The following LHPP variants were observed in gnomAD, a reference collection of about 807,000 sequenced individuals.
LHPP encodes hLHPP.
Under a neutral mutation model 30.3 loss-of-function variants are expected in LHPP, and 24 were observed. The observed-to-expected ratio is 0.79, with a 90% CI of 0.57 to 1.11. LHPP has a LOEUF of 1.11. Among genes scored for constraint, LHPP ranks in the 50% most tolerant of loss-of-function variants. LHPP has a pLI of 0.00. For missense variants in LHPP, 356 were observed against 367.2 expected, an observed-to-expected ratio of 0.97 and a Z score of 0.25; for synonymous variants, 150 against 157.1, an observed-to-expected ratio of 0.95 and a Z score of 0.34.
Position 124,496,503 on chromosome 10 carries a change from G to A in LHPP, c.468-458G>A, listed in dbSNP as rs1413459960. Among the ~76,000 whole-genome samples the A allele has an allele frequency of 6.6e-6, 1 of 152,198 alleles. No individual in the cohort carries two copies. The highest frequency in any genetic ancestry group is 2.4e-5 in the African/African-American group (1 of 41,436). On this transcript the variant is annotated intron_variant, in intron 3 of 6. Coordinates refer to ENST00000368842, the MANE Select transcript of LHPP (RefSeq NM_022126.4). The surrounding 1 kb of genome is among the most constrained non-coding windows in gnomAD (Gnocchi z 4.3). ...TAACGGGATGCGGCAGGGTGCTGTG[G>A]AACTAATGGAGTTCTCTTCTTCAGC...
At chr10:124,474,185 G>A (rs1367806936) in intron 1 of LHPP, among the ~76,000 whole-genome samples, 1 of 138,380 alleles carries the variant, frequency 7.2e-6, no homozygotes, top group Non-Finnish European at 1.5e-5. Flanking sequence ...TGTCACCTAG[G>A]CTGGAGTGCA....
chr10:124,570,012 C>T (rs377028312), intron 6 of LHPP, among the ~76,000 whole-genome samples: 4 of 147,962 alleles, frequency 2.7e-5, no homozygotes, highest in Non-Finnish European at 3.0e-5. Context: ...AGAGCTCACC[C>T]GGCCACTTCC....
rs1589804512 is a variant in LHPP at position 124,505,159 on chromosome 10, T to C, written c.624+7031T>C. Among the ~76,000 whole-genome samples, 3 of 152,294 alleles carry C rather than the reference T, an allele frequency of 2.0e-5. 1 individual carries two copies. The highest frequency in any genetic ancestry group is 7.2e-5 in the African/African-American group (3 of 41,574). On this transcript the variant is annotated intron_variant, in intron 5 of 6. Transcript: ENST00000368842. Reference sequence around the variant, plus strand: ...CTGCATGTTCCGAACGTCCCCACCCTGCCATTTTCCTAAAATGCTCACTAA... The same window carrying C: ...CTGCATGTTCCGAACGTCCCCACCCCGCCATTTTCCTAAAATGCTCACTAA...
rs75426652 is a variant in LHPP at position 124,461,954 on chromosome 10, C to A, written c.92C>A (p.Thr31Lys). 0.024 allele frequency: 29,739 copies of A among 1,228,160 alleles called. 2,658 individuals carry two copies. In the African/African-American group the frequency reaches 0.28, roughly 11 times the overall value. 76.1% of individuals were successfully genotyped at this position (1,228,160 alleles called of 1,614,324 possible). Residue 31 changes from threonine to lysine, a missense_variant, in exon 1 of 7, where the codon ACG becomes AAG. Thr to Lys is a moderately conservative substitution (Grantham distance 78). Transcript: ENST00000368842. ...TACGACAGCGGCGCGGGCGGCGGCA[C>A]GGCCATCGCCGGCTCGGTGGAGGCG... Reference protein sequence around the residue: ...VLYDSGAGGGTAIAGSVEAVA... With the variant: ...VLYDSGAGGGKAIAGSVEAVA...
intron 1 of LHPP, among the ~76,000 whole-genome samples, chr10:124,483,180 A>G (rs1219338545): frequency 6.6e-6 from 1 of 152,198 alleles, no homozygotes; most frequent in Non-Finnish European, 1.5e-5. Flanking sequence ...GGCAGGGTCC[A>G]CGTCCTGTCT....
chr10:124,470,041 G>A (rs1952679931), intron 1 of LHPP, among the ~76,000 whole-genome samples: 6 of 152,200 alleles, frequency 3.9e-5, no homozygotes, highest in Admixed American at 3.9e-4. Flanking sequence ...GGACTTGTGG[G>A]TGGGCGTGGT....
chr10:124,465,542 A>G (rs1300014039), intron 1 of LHPP, among the ~76,000 whole-genome samples: 1 of 152,252 alleles, frequency 6.6e-6, no homozygotes, highest in Non-Finnish European at 1.5e-5. Context: ...CAAGCAGCCC[A>G]ATAGCAATAT....
At chr10:124,468,446 AC>A (rs1258134723) in intron 1 of LHPP, among the ~76,000 whole-genome samples, 1 of 152,074 alleles carries the variant, frequency 6.6e-6, no homozygotes. Flanking sequence ...GGGACATCAC[AC>A]CCGTGATATG....
At chr10:124,607,094 G>A (rs1949105057) in intron 6 of LHPP, among the ~76,000 whole-genome samples, 1 of 152,162 alleles carries the variant, frequency 6.6e-6, no homozygotes, top group South Asian at 2.1e-4. Flanking sequence ...TCCCAGTAGG[G>A]CCACTCCGGG....
chr10:124,551,613 G>C (rs980560508), intron 6 of LHPP, among the ~76,000 whole-genome samples: 1 of 152,190 alleles, frequency 6.6e-6, no homozygotes, highest in Non-Finnish European at 1.5e-5. Context: ...CAGAGCTTTA[G>C]GACCCCACCA....
chr10:124,570,013 G>C (rs148635797), intron 6 of LHPP, among the ~76,000 whole-genome samples: 1 of 151,968 alleles, frequency 6.6e-6, no homozygotes, highest in South Asian at 2.1e-4. Flanking sequence ...GAGCTCACCC[G>C]GCCACTTCCT....
chr10:124,597,402 T>TA (rs1161385314), intron 6 of LHPP, among the ~76,000 whole-genome samples: 12 of 152,314 alleles, frequency 7.9e-5, no homozygotes, highest in Non-Finnish European at 1.8e-4. Context: ...CTGGGCTGAA[T>TA]ATTGGTGTCA....
At chr10:124,563,707 A>G (rs1191247667) in intron 6 of LHPP, among the ~76,000 whole-genome samples, 7 of 152,222 alleles carry the variant, frequency 4.6e-5, no homozygotes, top group Non-Finnish European at 1.0e-4. Context: ...ATTAGCCCCA[A>G]ATTAAAAGTT....
chr10:124,530,288 C>T (rs1954861603), intron 6 of LHPP, among the ~76,000 whole-genome samples: 1 of 152,172 alleles, frequency 6.6e-6, no homozygotes, highest in African/African-American at 2.4e-5. Context: ...CCTCCCCACG[C>T]CACCTGCTCG....
intron 6 of LHPP, among the ~76,000 whole-genome samples, chr10:124,520,505 C>T (rs1359995476): frequency 6.6e-6 from 1 of 152,234 alleles, no homozygotes; most frequent in Non-Finnish European, 1.5e-5. Context: ...GAGTCACCTG[C>T]CTCCATTGAA....
intron 6 of LHPP, among the ~76,000 whole-genome samples, chr10:124,528,193 G>A (rs1954794077): frequency 6.6e-6 from 1 of 152,258 alleles, no homozygotes; most frequent in African/African-American, 2.4e-5. Flanking sequence ...CTCCCGTATG[G>A]CATATTTCCC....
At chr10:124,528,042 T>TACAGGGGAGCTGCCGC (rs11269860) in intron 6 of LHPP, among the ~76,000 whole-genome samples, 3 of 151,668 alleles carry the variant, frequency 2.0e-5, no homozygotes, top group Non-Finnish European at 4.4e-5. Flanking sequence ...GTGCTGGGAT[T>TACAGGGGAGCTGCCGC]ACCCGGCTTG....
intron 1 of LHPP, among the ~76,000 whole-genome samples, chr10:124,462,381 G>C (rs1213899837): frequency 6.6e-6 from 1 of 152,070 alleles, no homozygotes; most frequent in Non-Finnish European, 1.5e-5. Context: ...ATCGCTTGAG[G>C]CTAGGGGGTT....
chr10:124,558,494 C>T (rs1948339658), intron 6 of LHPP, among the ~76,000 whole-genome samples: 1 of 152,222 alleles, frequency 6.6e-6, no homozygotes, highest in Non-Finnish European at 1.5e-5. Context: ...GGCGTTGGAG[C>T]GTCTCAGCCT....
Sources: allele counts gnomAD v4.1 joint callset (sites outside exome capture counted in the v4.1 genomes callset), GRCh38; gene constraint gnomAD v4.1.1; non-coding constraint Gnocchi (gnomAD v3.1); transcripts MANE v1.5; gene names NCBI Gene and HGNC (gene_info 2026-07-23, HGNC 2026-07-21).